Variants in CSNK1G1 observed in about 807,000 individuals in gnomAD.
CSNK1G1 encodes casein kinase 1 gamma 1.
A neutral mutation model predicts 59.6 loss-of-function variants in CSNK1G1; 22 were observed. The ratio of observed to expected loss-of-function variants is 0.37; its 90% CI spans 0.26 to 0.53. The LOEUF is 0.53. CSNK1G1 is among the 20% of genes least tolerant of loss of function. CSNK1G1 has a pLI of 0.89. For missense variants in CSNK1G1, 384 were observed against 519.5 expected (o/e 0.74, Z 2.54); for synonymous variants, 179 against 177.1 (o/e 1.01, Z -0.08).
rs779951747 is a variant in CSNK1G1 at position 64,189,452 on chromosome 15, T to C, written c.1108-8998A>G. 7 of 1,289,882 alleles carry C rather than the reference T, an allele frequency of 5.4e-6. No homozygotes were observed. The East Asian group carries it at 3.2e-4, about 59-fold the overall frequency. 79.9% of individuals were successfully genotyped at this position (1,289,882 alleles called of 1,614,324 possible). A position where few individuals can be genotyped will look rare whatever the true frequency, so the allele number is the denominator to read the frequency against. ...CCAGATGGCTGAGTTGTTAACATCA[T>C]AATGCTCAGCTGTAACAGTCCTAAG... On this transcript the variant is annotated intron_variant, in intron 10 of 11. Coordinates refer to ENST00000303052, the MANE Select transcript of CSNK1G1 (RefSeq NM_022048.5).
intron 1 of CSNK1G1, among the ~76,000 whole-genome samples, chr15:64,324,487 A>G (rs929547266): frequency 6.6e-6 from 1 of 152,214 alleles, no homozygotes; most frequent in African/African-American, 2.4e-5. Flanking sequence ...CTCGAAGAAC[A>G]TCTGACTTCA....
chr15:64,281,924 GT>G (rs753555945), intron 2 of CSNK1G1, among the ~76,000 whole-genome samples: 339 of 142,812 alleles, frequency 2.4e-3, no homozygotes, highest in South Asian at 3.6e-3. Flanking sequence ...ATTTTATGGA[GT>G]TTTTTTTTTT....
At chr15:64,237,422 T>A (rs2140299642) in intron 4 of CSNK1G1, among the ~76,000 whole-genome samples, 4 of 152,300 alleles carry the variant, frequency 2.6e-5, no homozygotes, top group Admixed American at 2.6e-4. Context: ...CATCCTTTCT[T>A]CCCAGGTTAT....
chr15:64,348,822 GAAATTA>G (rs1356046561), intron 1 of CSNK1G1, among the ~76,000 whole-genome samples: 10 of 152,148 alleles, frequency 6.6e-5, no homozygotes, highest in African/African-American at 2.2e-4. Context: ...GGTCAACAGA[GAAATTA>G]AAGTGTATTT....
intron 4 of CSNK1G1, among the ~76,000 whole-genome samples, chr15:64,232,384 T>G (rs2082561553): frequency 6.6e-6 from 1 of 152,234 alleles, no homozygotes; most frequent in Admixed American, 6.5e-5. Flanking sequence ...AGGAGTTATC[T>G]ATCTTTAAAT....
chr15:64,300,380 C>T lies in CSNK1G1; in HGVS notation c.120G>A (p.Val40=). 1 of 1,614,158 alleles carries T rather than the reference C, an allele frequency of 6.2e-7. No individual in the cohort carries two copies. The highest frequency in any genetic ancestry group is 8.5e-7 in the Non-Finnish European group (1 of 1,180,030). Residue 40 remains valine, a synonymous_variant, in exon 2 of 12, where the codon GTG becomes GTA. Coordinates refer to ENST00000303052, the MANE Select transcript of CSNK1G1 (RefSeq NM_022048.5). The part of the protein sequence containing the change: ...GSSSSSGVLM[V]GPNFRVGKKI... ...TCTTGCCAACCCTGAAGTTGGGTCC[C>T]ACCATAAGAACCCCAGAGGACGATG...
intron 10 of CSNK1G1, among the ~76,000 whole-genome samples, chr15:64,184,840 T>G (rs558479242): frequency 2.0e-5 from 3 of 152,348 alleles, no homozygotes; most frequent in African/African-American, 7.2e-5. Flanking sequence ...TGTTTTGACG[T>G]TCAGACCTGG....
In CSNK1G1 at chr15:64,277,854, ATAT is replaced by A. The variant is rs1466009023; in HGVS notation, c.182-18616_182-18614del. On this transcript the variant is annotated intron_variant, in intron 2 of 11. Transcript: ENST00000303052. ...AATAATATTGATATATTTAATAATA[ATAT>A]TGATATATTTAATAATAATATTGAT... 6.5e-5 allele frequency among the ~76,000 whole-genome samples: 9 copies of A among 138,688 alleles called. No individual in the cohort carries two copies. The East Asian group carries it at 9.9e-4, about 15-fold the overall frequency. 91.0% of individuals were successfully genotyped at this position (138,688 alleles called of 152,430 possible). A position where few individuals can be genotyped will look rare whatever the true frequency, so the allele number is the denominator to read the frequency against.
chr15:64,339,609 A>G (rs1897584655), intron 1 of CSNK1G1, among the ~76,000 whole-genome samples: 1 of 152,202 alleles, frequency 6.6e-6, no homozygotes, highest in African/African-American at 2.4e-5. Flanking sequence ...CCAGCCAGCA[A>G]TCTGTGTTTT....
chr15:64,284,303 T>C (rs1158859191), intron 2 of CSNK1G1, among the ~76,000 whole-genome samples: 3 of 152,190 alleles, frequency 2.0e-5, no homozygotes, highest in African/African-American at 7.2e-5. Context: ...TCTTCTGGGT[T>C]TCTTGAAATT....
intron 7 of CSNK1G1, among the ~76,000 whole-genome samples, chr15:64,205,763 T>C (rs553625876): frequency 3.9e-4 from 60 of 152,312 alleles, no homozygotes; most frequent in African/African-American, 1.3e-3. Context: ...ATGACCAAGT[T>C]TGACATGAAA....
At chr15:64,263,005 G>A (rs187157552) in intron 2 of CSNK1G1, among the ~76,000 whole-genome samples, 1 of 150,124 alleles carries the variant, frequency 6.7e-6, no homozygotes, top group African/African-American at 2.5e-5. Flanking sequence ...CTTGAACCCA[G>A]GAGGCAGAGG....
chr15:64,276,471 A>G (rs1427940588), intron 2 of CSNK1G1, among the ~76,000 whole-genome samples: 2 of 152,214 alleles, frequency 1.3e-5, no homozygotes, highest in Non-Finnish European at 2.9e-5. Flanking sequence ...TGGGTCTGAA[A>G]CAGAATTGAA....
chr15:64,324,560 C>T (rs532186456), intron 1 of CSNK1G1, among the ~76,000 whole-genome samples: 56 of 152,358 alleles, frequency 3.7e-4, no homozygotes, highest in Non-Finnish European at 6.2e-4. Flanking sequence ...CTCAGGCCTT[C>T]GGCCACAGAC....
intron 2 of CSNK1G1, among the ~76,000 whole-genome samples, chr15:64,279,088 CT>C (rs1262310068): frequency 6.6e-6 from 1 of 152,178 alleles, no homozygotes; most frequent in Non-Finnish European, 1.5e-5. Context: ...AATGATCCAC[CT>C]TTTTTTGTAA....
chr15:64,238,041 C>T (rs1483557143), intron 4 of CSNK1G1, among the ~76,000 whole-genome samples: 1 of 152,048 alleles, frequency 6.6e-6, no homozygotes, highest in Non-Finnish European at 1.5e-5. Context: ...CTAAAAAACT[C>T]AAGGCCATAA....
chr15:64,175,744 C>T (rs969061989), intron 11 of CSNK1G1, among the ~76,000 whole-genome samples: 3 of 152,186 alleles, frequency 2.0e-5, no homozygotes, highest in African/African-American at 7.2e-5. Context: ...AAGGAGCTCC[C>T]CCTTTTTTGA....
intron 3 of CSNK1G1, among the ~76,000 whole-genome samples, chr15:64,255,278 T>C (rs754532954): frequency 5.4e-5 from 8 of 148,410 alleles, no homozygotes; most frequent in Non-Finnish European, 1.5e-5. Flanking sequence ...GGTTTTACCA[T>C]ATTGGCCAGG....
chr15:64,326,892 C>G (rs550379407), intron 1 of CSNK1G1, among the ~76,000 whole-genome samples: 1 of 150,448 alleles, frequency 6.6e-6, no homozygotes, highest in Non-Finnish European at 1.5e-5. Flanking sequence ...GTTCCCTTTC[C>G]GAGTCAAAGA....
Sources: allele counts gnomAD v4.1 joint callset (sites outside exome capture counted in the v4.1 genomes callset), GRCh38; gene constraint gnomAD v4.1.1; transcripts MANE v1.5; gene names NCBI Gene and HGNC (gene_info 2026-07-23, HGNC 2026-07-21).